MICAL2: variants seen among roughly 807,000 people sequenced by gnomAD.
MICAL2 encodes the protein [F-actin]-monooxygenase MICAL2.
In MICAL2, 77 loss-of-function variants were observed where a neutral mutation model predicts 127.3. The ratio of observed to expected loss-of-function variants is 0.60; its 90% CI spans 0.50 to 0.73. The LOEUF is 0.73. Among genes scored for constraint, MICAL2 ranks in the 30% least tolerant of loss-of-function variants. The probability of loss-of-function intolerance (pLI) is 0.00; values close to 1 mark genes in which losing one functional copy is unlikely to be tolerated. For missense variants in MICAL2, 1,351 were observed against 1,434.4 expected (o/e 0.94, Z 0.94); for synonymous variants, 570 against 551.1 (o/e 1.03, Z -0.48).
rs60686378 is a variant in MICAL2, at chr11:12,234,302, C to CCAAA, written c.1996-1875_1996-1874insCAAA. ...CCAAATCCTCATTTAAGGTAGAAAC[C>CCAAA]AAAAAAAAAAAACAACAGAAAACCC... On this transcript the variant is annotated intron_variant, in intron 15 of 27. Coordinates refer to ENST00000683283, the MANE Select transcript of MICAL2 (RefSeq NM_001282663.2). 2.4e-3 allele frequency among the ~76,000 whole-genome samples: 331 copies of CCAAA among 136,396 alleles called. 4 individuals carry two copies. The East Asian group carries it at 0.035, about 14-fold the overall frequency. 89.5% of individuals were successfully genotyped at this position (136,396 alleles called of 152,430 possible).
chr11:12,283,620 G>C (rs1382826733), intron 2 of MICAL2, among the ~76,000 whole-genome samples: 1 of 152,238 alleles, frequency 6.6e-6, no homozygotes, highest in Non-Finnish European at 1.5e-5. Flanking sequence ...GAGTTCTGGA[G>C]ATGGGTGGTG....
At chr11:12,141,034 T>C (rs1456489802) in intron 2 of MICAL2, among the ~76,000 whole-genome samples, 1 of 152,150 alleles carries the variant, frequency 6.6e-6, no homozygotes, top group Admixed American at 6.5e-5. Flanking sequence ...AAGAAAACCA[T>C]GTCAAGATGG....
chr11:12,295,653 T>A (rs2134793671), downstream of MICAL2, among the ~76,000 whole-genome samples: 1 of 152,084 alleles, frequency 6.6e-6, no homozygotes, highest in Non-Finnish European at 1.5e-5. Flanking sequence ...CACCTTGACT[T>A]CCCAAGGTGT....
At chr11:12,228,790 G>T (rs1644224000) in intron 15 of MICAL2, among the ~76,000 whole-genome samples, 1 of 152,212 alleles carries the variant, frequency 6.6e-6, no homozygotes, top group South Asian at 2.1e-4. Flanking sequence ...ATTTGGATGT[G>T]TTGGGGCGGA....
downstream of MICAL2, among the ~76,000 whole-genome samples, chr11:12,297,107 G>A (rs1043580498): frequency 2.6e-5 from 4 of 152,104 alleles, no homozygotes; most frequent in Non-Finnish European, 4.4e-5. Context: ...TGTGAATTGG[G>A]AATTTTGATA....
At chr11:12,232,329 C>A (rs148566751) in intron 15 of MICAL2, among the ~76,000 whole-genome samples, 6 of 152,270 alleles carry the variant, frequency 3.9e-5, no homozygotes, top group African/African-American at 1.4e-4. Flanking sequence ...TATTTTCATG[C>A]CAGTTTTTAG....
chr11:12,282,187 A>AT (rs1863779886), intron 2 of MICAL2, among the ~76,000 whole-genome samples: 1 of 152,216 alleles, frequency 6.6e-6, no homozygotes, highest in South Asian at 2.1e-4. Flanking sequence ...TTTTACCCTC[A>AT]TTTTTTAAAA....
intron 32 of MICAL2, among the ~76,000 whole-genome samples, chr11:12,329,877 A>AAG (rs1555022478): frequency 4.0e-5 from 6 of 150,682 alleles, no homozygotes; most frequent in Non-Finnish European, 7.4e-5. Flanking sequence ...AAAAAAAAAA[A>AAG]AAAAAAGAAA....
At chr11:12,193,593 T>C (rs1220975901) in intron 3 of MICAL2, among the ~76,000 whole-genome samples, 2 of 152,088 alleles carry the variant, frequency 1.3e-5, no homozygotes, top group Non-Finnish European at 2.9e-5. Flanking sequence ...AGAAAGACAG[T>C]GGGCCCTAAT....
intron 17 of MICAL2, among the ~76,000 whole-genome samples, chr11:12,240,228 C>A (rs930411237): frequency 6.6e-6 from 1 of 152,186 alleles, no homozygotes. Context: ...AGGCAGAATG[C>A]TGCGTCAGGC....
chr11:12,265,605 G>A (rs1166550420), downstream of MICAL2, among the ~76,000 whole-genome samples: 1 of 152,056 alleles, frequency 6.6e-6, no homozygotes, highest in Non-Finnish European at 1.5e-5. Flanking sequence ...TTCATTGCAT[G>A]GTATTTTCAA....
rs201075541 is a variant in MICAL2 at position 12,226,629 on chromosome 11, GT to G, written c.1888+266del. On this transcript the variant is annotated intron_variant, in intron 14 of 27. Transcript: ENST00000683283. ...GTTACAATGACACCTCCTTGTTTTT[GT>G]TTTTTTGTTGTTTGTTTTTGGTTTT... is the stretch of plus-strand genomic sequence containing the variant. Among the ~76,000 whole-genome samples the G allele has an allele frequency of 6.9e-3, 968 of 140,516 alleles. 9 individuals are homozygous for G. The highest frequency in any genetic ancestry group is 0.024 in the African/African-American group (917 of 38,172). 92.2% of individuals were successfully genotyped at this position (140,516 alleles called of 152,430 possible). A position where few individuals can be genotyped will look rare whatever the true frequency, so the allele number is the denominator to read the frequency against.
intron 24 of MICAL2, 76 bp from the exon 25 acceptor site, chr11:12,258,392 G>A: frequency 3.6e-6 from 4 of 1,106,108 alleles, no homozygotes; most frequent in Non-Finnish European, 5.6e-6. Context: ...GACAGTGGTG[G>A]GCACTTGGCT....
intron 1 of MICAL2, among the ~76,000 whole-genome samples, chr11:12,115,005 G>A (rs1849892442): frequency 1.3e-5 from 2 of 152,150 alleles, no homozygotes; most frequent in Non-Finnish European, 2.9e-5. Context: ...CCCTGGGCTT[G>A]GTGGAGACCA....
At chr11:12,178,171 G>T (rs973816210) in intron 3 of MICAL2, among the ~76,000 whole-genome samples, 4 of 152,160 alleles carry the variant, frequency 2.6e-5, no homozygotes, top group African/African-American at 9.7e-5. Flanking sequence ...GACCCAAAAG[G>T]ACTGGGTTCA....
chr11:12,256,780 C>T lies in MICAL2; in HGVS notation c.2956-5C>T. 1 of 1,605,666 alleles carries T rather than the reference C, an allele frequency of 6.2e-7. No individual in the cohort carries two copies. The highest frequency in any genetic ancestry group is 8.5e-7 in the Non-Finnish European group (1 of 1,175,024). On this transcript the variant is annotated splice_polypyrimidine_tract_variant and splice_region_variant and intron_variant, in intron 23 of 27. Transcript: ENST00000683283. Reference sequence around the variant, plus strand: ...ATACACCCACTCTTCTCTCCCGATCCCCAGGAATCTATGCGAAAGTCATTT... The same window carrying T: ...ATACACCCACTCTTCTCTCCCGATCTCCAGGAATCTATGCGAAAGTCATTT...
At chr11:12,201,281 A>G (rs557542256) in intron 3 of MICAL2, among the ~76,000 whole-genome samples, 15 of 152,194 alleles carry the variant, frequency 9.9e-5, no homozygotes, top group Admixed American at 5.9e-4. Context: ...CCAACCAGTA[A>G]GCCACACTGA....
intron 3 of MICAL2, among the ~76,000 whole-genome samples, chr11:12,163,463 G>T (rs1434425167): frequency 6.6e-6 from 1 of 152,220 alleles, no homozygotes; most frequent in Non-Finnish European, 1.5e-5. Flanking sequence ...TGTTTTGGTG[G>T]TGAGAAGCTG....
intron 29 of MICAL2, among the ~76,000 whole-genome samples, chr11:12,303,219 A>G (rs954786073): frequency 3.3e-5 from 5 of 152,156 alleles, no homozygotes; most frequent in African/African-American, 1.2e-4. Context: ...ATGGAGCCAA[A>G]CAATATCACT....
Sources: allele counts gnomAD v4.1 joint callset (sites outside exome capture counted in the v4.1 genomes callset), GRCh38; gene constraint gnomAD v4.1.1; transcripts MANE v1.5; gene names NCBI Gene and HGNC (gene_info 2026-07-23, HGNC 2026-07-21).